Variants in TMPRSS13 observed in about 807,000 individuals in gnomAD.
TMPRSS13 encodes the protein transmembrane serine protease 13, also known as transmembrane protease serine 13.
A neutral mutation model predicts 68.4 loss-of-function variants in TMPRSS13; 50 were observed. The observed-to-expected ratio is 0.73, with a 90% confidence interval of 0.58 to 0.93. The LOEUF is 0.93. Ranked by LOEUF, TMPRSS13 falls within the 40% of genes least tolerant of loss-of-function variation. The pLI, the probability that TMPRSS13 is intolerant of heterozygous loss-of-function variation, is 0.00. For synonymous variants in TMPRSS13, 267 were observed against 285.8 expected, an observed-to-expected ratio of 0.93 and a Z score of 0.66; for missense variants, 615 against 729.2, an observed-to-expected ratio of 0.84 and a Z score of 1.80.
Position 117,903,825 on chromosome 11 carries a change from C to T in TMPRSS13, c.1525-18G>A. ...CTGTCTCCCTGCAGGGGAGAGGGGG[C>T]ACATTCGCAGGATGGGACAGGTGGT... On this transcript the variant is annotated intron_variant, in intron 11 of 12. Transcript: ENST00000524993. 6.2e-7 allele frequency: 1 copy of T among 1,607,844 alleles called. No individual in the cohort carries two copies. Among genetic ancestry groups the T allele is most frequent in the Non-Finnish European group, 8.5e-7 (1 of 1,177,266 alleles).
chr11:117,915,323 C>A lies in TMPRSS13; in HGVS notation c.557-809G>T, dbSNP rs1483354847. Among the ~76,000 whole-genome samples, 2 of 152,180 alleles carry A rather than the reference C, an allele frequency of 1.3e-5. No individual in the cohort carries two copies. Among genetic ancestry groups the A allele is most frequent in the Admixed American group, 1.3e-4 (2 of 15,276 alleles). On this transcript the variant is annotated intron_variant, in intron 3 of 12. Coordinates refer to ENST00000524993, the MANE Select transcript of TMPRSS13 (RefSeq NM_001077263.3). This position sits in a 1 kb window ranked among gnomAD's most constrained non-coding sequence, Gnocchi z 4.9. ...CCCGGGTTCTAACTTCTCACCCTGC[C>A]GCTCCTCCTCCACCAGCTCCTCAGC...
intron 1 of TMPRSS13, among the ~76,000 whole-genome samples, chr11:117,925,878 G>A (rs961783007): frequency 1.8e-4 from 27 of 152,232 alleles, no homozygotes; most frequent in Non-Finnish European, 2.9e-4. Flanking sequence ...GCACGCTTAC[G>A]CTCACATCTG....
At chr11:117,904,861 T>TATATATATA (rs2057447355) in intron 10 of TMPRSS13, among the ~76,000 whole-genome samples, 1 of 100,672 alleles carries the variant, frequency 9.9e-6, no homozygotes, top group Non-Finnish European at 2.2e-5. Context: ...CTAGATAAGA[T>TATATATATA]TATATATATA....
chr11:117,907,546 G>A (rs373080220), intron 9 of TMPRSS13: 1 of 152,462 alleles, frequency 6.6e-6, no homozygotes, highest in Admixed American at 6.5e-5. Flanking sequence ...AGAGTCCTCC[G>A]AGGCTTCCAG....
intron 5 of TMPRSS13, among the ~76,000 whole-genome samples, chr11:117,912,675 C>A (rs1226812205): frequency 6.6e-6 from 1 of 152,218 alleles, no homozygotes; most frequent in African/African-American, 2.4e-5. Context: ...CAGTTAGGCA[C>A]CCTCTCCACT....
intron 10 of TMPRSS13, among the ~76,000 whole-genome samples, chr11:117,905,180 C>T (rs35284897): frequency 6.6e-6 from 1 of 151,346 alleles, no homozygotes; most frequent in South Asian, 2.1e-4. Context: ...CAGGTGTAAG[C>T]TACGGTGCCC....
chr11:117,908,202 A>G (rs1002295984), intron 9 of TMPRSS13: 1 of 552,494 alleles, frequency 1.8e-6, no homozygotes, highest in Middle Eastern at 5.4e-4. Flanking sequence ...CCATTTCCTC[A>G]TATGTCAAAT....
At chr11:117,913,475 C>T (rs1045039894) in intron 5 of TMPRSS13, among the ~76,000 whole-genome samples, 6 of 152,184 alleles carry the variant, frequency 3.9e-5, no homozygotes, top group Non-Finnish European at 7.3e-5. Flanking sequence ...AGGGCCACCA[C>T]CACGATCAGT....
In TMPRSS13 at chr11:117,912,810, C is replaced by G. The variant is rs556154110; in HGVS notation, c.810-950G>C. Among the ~76,000 whole-genome samples, 5 of 152,298 alleles carry G rather than the reference C, an allele frequency of 3.3e-5. No homozygotes were observed. In the East Asian group the frequency reaches 7.7e-4, roughly 24 times the overall value. ...TTCAAGGCTGGGCTCCTGTCTTATT[C>G]CTTTGTGTCCAGGTACTACACAGTA... On this transcript the variant is annotated intron_variant, in intron 5 of 12. Transcript: ENST00000524993.
At chr11:117,926,097 G>A (rs1005722144) in intron 1 of TMPRSS13, among the ~76,000 whole-genome samples, 2 of 150,936 alleles carry the variant, frequency 1.3e-5, no homozygotes, top group Non-Finnish European at 3.0e-5. Flanking sequence ...GGAGGACGAG[G>A]TGAGGGATGC....
At chr11:117,904,200 C>T (rs1163140057) in intron 10 of TMPRSS13, 99 bp from the exon 11 acceptor site, 1 of 1,466,880 alleles carries the variant, frequency 6.8e-7, no homozygotes, top group Non-Finnish European at 9.2e-7. Context: ...CCCAGAATCA[C>T]AGCCTCCTGG....
intron 8 of TMPRSS13, 68 bp from the exon 9 acceptor site, chr11:117,908,852 C>G: frequency 6.9e-7 from 1 of 1,446,108 alleles, no homozygotes; most frequent in Non-Finnish European, 9.3e-7. Context: ...CCCCTGCTAC[C>G]TACAGGGAGC....
At chr11:117,924,632 G>A (rs2057685135) in intron 1 of TMPRSS13, among the ~76,000 whole-genome samples, 1 of 152,032 alleles carries the variant, frequency 6.6e-6, no homozygotes, top group Non-Finnish European at 1.5e-5. Context: ...GGAACCTGGG[G>A]AGCCCTGGGG....
intron 8 of TMPRSS13, 89 bp from the exon 9 acceptor site, chr11:117,908,873 GCACCAGCT>G: frequency 1.5e-6 from 2 of 1,332,306 alleles, no homozygotes; most frequent in East Asian, 4.9e-5. Context: ...CACAGTCAGA[GCACCAGCT>G]TGGAGGCAGG....
rs1245833619 is a variant in TMPRSS13 at position 117,918,489 on chromosome 11, G to A, written c.371C>T (p.Ala124Val). Reference sequence around the variant, plus strand: ...GATGGGTACAGCCCCCACTGGTGTTGCTCTAACAAGGTACACTCTGGTTGG... The same window carrying A: ...GATGGGTACAGCCCCCACTGGTGTTACTCTAACAAGGTACACTCTGGTTGG... Reference protein sequence around the residue: ...TSPTRVYLVRATPVGAVPIRS... With the variant: ...TSPTRVYLVRVTPVGAVPIRS... The change falls in exon 2 of 13, where the codon GCA (alanine) becomes GTA (valine). Residue 124 changes from alanine to valine, a missense_variant. Coordinates refer to ENST00000524993, the MANE Select transcript of TMPRSS13 (RefSeq NM_001077263.3). 4 of 1,614,220 alleles carry A rather than the reference G, an allele frequency of 2.5e-6. No individual in the cohort carries two copies. The Admixed American group carries it at 6.7e-5, about 27-fold the overall frequency.
chr11:117,916,052 A>T (rs1467199309), intron 3 of TMPRSS13, among the ~76,000 whole-genome samples: 1 of 152,186 alleles, frequency 6.6e-6, no homozygotes, highest in African/African-American at 2.4e-5. Context: ...CTGCCAGCAC[A>T]CTGCCCCTCC....
chr11:117,910,640 A>C, intron 7 of TMPRSS13, 67 bp downstream of exon 7: 1 of 1,481,246 alleles, frequency 6.8e-7, no homozygotes, highest in Non-Finnish European at 9.2e-7. Context: ...CCCTTGGAGG[A>C]GTGCTGCCCC....
chr11:117,901,204 C>A lies in TMPRSS13; in HGVS notation c.*1035G>T, dbSNP rs2057408168. On this transcript the variant is annotated 3_prime_UTR_variant, in exon 13 of 13. Transcript: ENST00000524993. The stretch of plus-strand genomic sequence containing the variant: ...AATGAGAGAGGCAGTCCACCTGGAC[C>A]TCCCTGGGGCCCCTGGGAGCCTACG... 1 of 152,622 alleles carries A rather than the reference C, an allele frequency of 6.6e-6. No individual in the cohort carries two copies. The highest frequency in any genetic ancestry group is 2.1e-4 in the South Asian group (1 of 4,828). The allele number at this position is 152,622 out of a possible 1,614,324, so 9.5% of individuals were successfully genotyped here. A position where few individuals can be genotyped will look rare whatever the true frequency, so the allele number is the denominator to read the frequency against.
At chr11:117,908,367 G>A (rs538220331) in intron 9 of TMPRSS13, 4 of 612,180 alleles carry the variant, frequency 6.5e-6, no homozygotes, top group Non-Finnish European at 8.6e-6. Flanking sequence ...CCCAAGCCCT[G>A]ACTCCGTCAT....
Sources: gnomAD v4.1 joint callset for allele counts (sites outside exome capture counted in the v4.1 genomes callset) on GRCh38, gnomAD v4.1.1 for gene constraint, Gnocchi (gnomAD v3.1) non-coding constraint, MANE v1.5 for transcripts, NCBI Gene and HGNC (gene_info 2026-07-23, HGNC 2026-07-21) for gene names.